TBCC: variants seen among roughly 807,000 people sequenced by gnomAD.
TBCC encodes tubulin folding cofactor C.
In TBCC, 25 loss-of-function variants were observed where a neutral mutation model predicts 25.3. The observed-to-expected ratio is 0.99, with a 90% CI of 0.72 to 1.38. The LOEUF is 1.38. TBCC is among the 40% of genes most tolerant of loss of function. The pLI is 0.00. For missense variants in TBCC, 507 were observed against 447.2 expected (o/e 1.13, Z -1.21); for synonymous variants, 226 against 192.8 (o/e 1.17, Z -1.43).
At position 42,745,757 on chromosome 6, in the gene TBCC, G is replaced by C; in HGVS notation, c.317C>G (p.Ala106Gly). The stretch of plus-strand genomic sequence containing the variant: ...TTGTCCCTGCCGCAGGTCGTAAGCG[G>C]CTAGGAAAAAAACTGAGTCGTTGAT... ...KLINDSVFFL[A>G]AYDLRQGQEA... is the part of the protein sequence containing the mutation. Residue 106 changes from alanine (A) to glycine (G), a missense_variant, in exon 1 of 1, where the codon GCC (alanine) becomes GGC (glycine). Physicochemically the swap from Ala to Gly is moderately conservative, Grantham distance 60. Transcript: ENST00000372876. This position sits in a 1 kb window ranked among gnomAD's most constrained non-coding sequence, Gnocchi z 4.2. 6.2e-7 allele frequency: 1 copy of C among 1,613,944 alleles called. No individual in the cohort carries two copies. The highest frequency in any genetic ancestry group is 8.5e-7 in the Non-Finnish European group (1 of 1,180,020).
chr6:42,745,851 G>A lies in TBCC; in HGVS notation c.223C>T (p.Leu75=), dbSNP rs1173100777. The A allele has an allele frequency of 8.7e-6, 14 of 1,613,484 alleles. No individual in the cohort carries two copies. Among genetic ancestry groups the A allele is most frequent in the Middle Eastern group, 1.6e-4 (1 of 6,084 alleles). ...CGCTCGACCGACTCCGCGCGCTCCA[G>A]AAGCTCTTCCACGGCCGCTCGCTCC... ...VRERAAVEEL[L]ERAESVERLE... Residue 75 remains leucine, a synonymous_variant, in exon 1 of 1, where the codon CTG becomes TTG. Coordinates refer to ENST00000372876, the MANE Select transcript of TBCC (RefSeq NM_003192.3). The surrounding 1 kb of genome is among the most constrained non-coding windows in gnomAD (Gnocchi z 4.2).
chr6:42,745,421 A>T lies in TBCC; in HGVS notation c.653T>A (p.Leu218Gln). 1 of 1,614,230 alleles carries T rather than the reference A, an allele frequency of 6.2e-7. No individual in the cohort carries two copies. Among genetic ancestry groups the T allele is most frequent in the Non-Finnish European group, 8.5e-7 (1 of 1,180,044 alleles). The change falls in exon 1 of 1, where the codon CTG becomes CAG. Residue 218 changes from leucine (L) to glutamine (Q), a missense_variant. Transcript: ENST00000372876. The surrounding 1 kb of genome is among the most constrained non-coding windows in gnomAD (Gnocchi z 4.2). ...LTELSNCTVR[L>Q]YGNPNTLRLT... Reference sequence around the variant, plus strand: ...CCGCAGGGTGTTGGGATTTCCATACAGTCTGACCGTGCAGTTGCTCAGTTC... The same window carrying T: ...CCGCAGGGTGTTGGGATTTCCATACTGTCTGACCGTGCAGTTGCTCAGTTC...
chr6:42,745,679 T>A lies in TBCC; in HGVS notation c.395A>T (p.Gln132Leu). The change falls in exon 1 of 1, where the codon CAG becomes CTG. Residue 132 changes from glutamine (Q) to leucine (L), a missense_variant. Transcript: ENST00000372876. This position sits in a 1 kb window ranked among gnomAD's most constrained non-coding sequence, Gnocchi z 4.2. ...AALAERRRGL[Q>L]PKKRFAFKTR... The stretch of plus-strand genomic sequence containing the variant: ...CTTGAAAGCGAAACGCTTCTTGGGC[T>A]GCAGCCCCCGGCGCCGCTCGGCCAA... 1 of 1,611,768 alleles carries A rather than the reference T, an allele frequency of 6.2e-7. No individual in the cohort carries two copies. The highest frequency in any genetic ancestry group is 8.5e-7 in the Non-Finnish European group (1 of 1,179,100).
rs371167130 is a variant in TBCC, at chr6:42,745,012, G to A, written c.*21C>T. Reference sequence around the variant, plus strand: ...AACGTGGAAAGTATTTGGTAGGAGTGAAGAACAGAGTGACAACTGCTTAGT... The same window carrying A: ...AACGTGGAAAGTATTTGGTAGGAGTAAAGAACAGAGTGACAACTGCTTAGT... On this transcript the variant is annotated 3_prime_UTR_variant, in exon 1 of 1. Transcript: ENST00000372876. The surrounding 1 kb of genome is among the most constrained non-coding windows in gnomAD (Gnocchi z 4.2). 80 of 1,603,702 alleles carry A rather than the reference G, an allele frequency of 5.0e-5. No individual in the cohort carries two copies. Among genetic ancestry groups the A allele is most frequent in the Middle Eastern group, 1.7e-4 (1 of 6,042 alleles).
Position 42,745,222 on chromosome 6 carries a change from G to A in TBCC, c.852C>T (p.Cys284=), listed in dbSNP as rs1343512616. ...TGTAAGGGGCGAACTGGATCCCACT[G>A]CAGTCCTCCACGATGGCCCTGCTGG... ...QVTSRAIVED[C]SGIQFAPYTW... is the part of the protein sequence containing the mutation. Residue 284 remains cysteine (C), a synonymous_variant, in exon 1 of 1, where the codon TGC becomes TGT. Transcript: ENST00000372876. The surrounding 1 kb of genome is among the most constrained non-coding windows in gnomAD (Gnocchi z 4.2). 1 of 1,614,212 alleles carries A rather than the reference G, an allele frequency of 6.2e-7. No individual in the cohort carries two copies. The highest frequency in any genetic ancestry group is 2.2e-5 in the East Asian group (1 of 44,872).
chr6:42,745,763 A>G lies in TBCC; in HGVS notation c.311T>C (p.Phe104Ser), dbSNP rs1186544096. Residue 104 changes from phenylalanine (F) to serine (S), a missense_variant, in exon 1 of 1, where the codon TTC becomes TCC. Transcript: ENST00000372876. The surrounding 1 kb of genome is among the most constrained non-coding windows in gnomAD (Gnocchi z 4.2). ...CTGCCGCAGGTCGTAAGCGGCTAGGAAAAAAACTGAGTCGTTGATTAGTTT... is the reference window on the plus strand; with the variant it reads ...CTGCCGCAGGTCGTAAGCGGCTAGGGAAAAAACTGAGTCGTTGATTAGTTT... ...LQKLINDSVF[F>S]LAAYDLRQGQ... The G allele has an allele frequency of 9.9e-6, 16 of 1,613,896 alleles. No homozygotes were observed. Among genetic ancestry groups the G allele is most frequent in the Non-Finnish European group, 1.4e-5 (16 of 1,180,016 alleles).
Position 42,745,501 on chromosome 6 carries a change from G to A in TBCC, c.573C>T (p.Ser191=). ...CGCTGGCTCTCTTCTCCAAGACTTG[G>A]GACTCCAGGTTGGAGAAACCGCAGA... The part of the protein sequence containing the change: ...SWVCGFSNLE[S]QVLEKRASEL... The change falls in exon 1 of 1, where the codon TCC becomes TCT. Residue 191 remains serine, a synonymous_variant. Coordinates refer to ENST00000372876, the MANE Select transcript of TBCC (RefSeq NM_003192.3). This position sits in a 1 kb window ranked among gnomAD's most constrained non-coding sequence, Gnocchi z 4.2. 6.2e-7 allele frequency: 1 copy of A among 1,611,710 alleles called. No homozygotes were observed. The highest frequency in any genetic ancestry group is 8.5e-7 in the Non-Finnish European group (1 of 1,179,060).
Position 42,745,813 on chromosome 6 carries a change from C to T in TBCC, c.261G>A (p.Ala87=). 3 of 1,613,152 alleles carry T rather than the reference C, an allele frequency of 1.9e-6. No homozygotes were observed. The highest frequency in any genetic ancestry group is 2.5e-6 in the Non-Finnish European group (3 of 1,180,046). The stretch of plus-strand genomic sequence containing the variant: ...TCTGCAGCCCCTGGAGCCGAGAGGC[C>T]GCCTCCTCCAGCCGCTCGACCGACT... ...RAESVERLEE[A]ASRLQGLQKL... is the part of the protein sequence containing the mutation. The change falls in exon 1 of 1, where the codon GCG becomes GCA. Residue 87 remains alanine, a synonymous_variant. Coordinates refer to ENST00000372876, the MANE Select transcript of TBCC (RefSeq NM_003192.3). This position sits in a 1 kb window ranked among gnomAD's most constrained non-coding sequence, Gnocchi z 4.2.
chr6:42,744,911 C>T lies in TBCC; in HGVS notation c.*122G>A, dbSNP rs1189615881. ...ATTACAAGTAGGAGCCCATTACAAT[C>T]TCTAGCCTTAAAATGCTGAAAACAT... On this transcript the variant is annotated 3_prime_UTR_variant, in exon 1 of 1. Coordinates refer to ENST00000372876, the MANE Select transcript of TBCC (RefSeq NM_003192.3). 8.7e-6 allele frequency: 8 copies of T among 922,572 alleles called. No homozygotes were observed. The African/African-American group carries it at 1.2e-4, about 14-fold the overall frequency. 57.1% of individuals were successfully genotyped at this position (922,572 alleles called of 1,614,324 possible). A position where few individuals can be genotyped will look rare whatever the true frequency, so the allele number is the denominator to read the frequency against.
Position 42,745,001 on chromosome 6 carries a change from T to C in TBCC, c.*32A>G, listed in dbSNP as rs1419584880. Reference sequence around the variant, plus strand: ...GGGGAAAGTCCAACGTGGAAAGTATTTGGTAGGAGTGAAGAACAGAGTGAC... The same window carrying C: ...GGGGAAAGTCCAACGTGGAAAGTATCTGGTAGGAGTGAAGAACAGAGTGAC... On this transcript the variant is annotated 3_prime_UTR_variant, in exon 1 of 1. Coordinates refer to ENST00000372876, the MANE Select transcript of TBCC (RefSeq NM_003192.3). This position sits in a 1 kb window ranked among gnomAD's most constrained non-coding sequence, Gnocchi z 4.2. The C allele has an allele frequency of 6.3e-7, 1 of 1,589,784 alleles. No individual in the cohort carries two copies. The highest frequency in any genetic ancestry group is 8.6e-7 in the Non-Finnish European group (1 of 1,164,366).
chr6:42,746,016 G>A lies in TBCC; in HGVS notation c.58C>T (p.Arg20Trp), dbSNP rs1762263499. The A allele has an allele frequency of 1.9e-6, 3 of 1,614,130 alleles. No individual in the cohort carries two copies. The highest frequency in any genetic ancestry group is 2.5e-6 in the Non-Finnish European group (3 of 1,180,030). ...CGCTCAGGCACCAGGCTCAGGTCCCGCTGGGACTCCATGTCTCCGGTCCTG... is the reference window on the plus strand; with the variant it reads ...CGCTCAGGCACCAGGCTCAGGTCCCACTGGGACTCCATGTCTCCGGTCCTG... The part of the protein sequence containing the change: ...AVRTGDMESQ[R>W]DLSLVPERLQ... Residue 20 changes from arginine (R) to tryptophan (W), a missense_variant, in exon 1 of 1, where the codon CGG (arginine) becomes TGG (tryptophan). Physicochemically the swap from Arg to Trp is moderately radical, Grantham distance 101. Transcript: ENST00000372876.
chr6:42,745,733 TG>T lies in TBCC; in HGVS notation c.340del (p.Gln114LysfsTer39). 6.2e-7 allele frequency: 1 copy of T among 1,613,822 alleles called. No individual in the cohort carries two copies. The highest frequency in any genetic ancestry group is 8.5e-7 in the Non-Finnish European group (1 of 1,179,938). ...CGCCTGCAGCCGCGCCAGCGCCTCT[TG>T]TCCCTGCCGCAGGTCGTAAGCGGCT... The part of the protein sequence containing the change: ...FLAAYDLRQG[Q>X]EALARLQAAL... On this transcript the variant is annotated frameshift_variant, in exon 1 of 1. Coordinates refer to ENST00000372876, the MANE Select transcript of TBCC (RefSeq NM_003192.3). LOFTEE classifies it high-confidence loss of function. This position sits in a 1 kb window ranked among gnomAD's most constrained non-coding sequence, Gnocchi z 4.2.
rs1282503555 is a variant in TBCC at position 42,745,581 on chromosome 6, T to G, written c.493A>C (p.Ile165Leu). ...TTCTTGGGCAGCGGGGAGTCCTGTA[T>G]GCTTTCAACTGCCGGGGGGATGCCA... ...APGIPPAVES[I>L]QDSPLPKKAE... The change falls in exon 1 of 1, where the codon ATA (isoleucine) becomes CTA (leucine). Residue 165 changes from isoleucine (I) to leucine (L), a missense_variant. By Grantham distance (5) the Ile-to-Leu change is conservative. Transcript: ENST00000372876. The surrounding 1 kb of genome is among the most constrained non-coding windows in gnomAD (Gnocchi z 4.2). The G allele has an allele frequency of 6.2e-7, 1 of 1,612,096 alleles. No homozygotes were observed. Among genetic ancestry groups the G allele is most frequent in the Non-Finnish European group, 8.5e-7 (1 of 1,178,858 alleles).
rs774087155 is a variant in TBCC, at chr6:42,746,006, C to T, written c.68G>A (p.Ser23Asn). The change falls in exon 1 of 1, where the codon AGC becomes AAC. Residue 23 changes from serine to asparagine, a missense_variant. By Grantham distance (46) the Ser-to-Asn change is conservative. Coordinates refer to ENST00000372876, the MANE Select transcript of TBCC (RefSeq NM_003192.3). ...TCTCTGAAGCCGCTCAGGCACCAGG[C>T]TCAGGTCCCGCTGGGACTCCATGTC... ...TGDMESQRDL[S>N]LVPERLQRRE... 1.1e-5 allele frequency: 18 copies of T among 1,614,072 alleles called. No homozygotes were observed. The highest frequency in any genetic ancestry group is 2.2e-5 in the East Asian group (1 of 44,890).
Position 42,745,160 on chromosome 6 carries a change from C to G in TBCC, c.914G>C (p.Ser305Thr). 6.2e-7 allele frequency: 1 copy of G among 1,614,210 alleles called. No homozygotes were observed. The highest frequency in any genetic ancestry group is 8.5e-7 in the Non-Finnish European group (1 of 1,180,046). ...ATTTTTGCTCCTATCTAAACCAGAG[C>G]TCTCGAAGTCCTTGTCGATCTCCGG... ...SYPEIDKDFE[S>T]SGLDRSKNNW... The change falls in exon 1 of 1, where the codon AGC (serine) becomes ACC (threonine). Residue 305 changes from serine (S) to threonine (T), a missense_variant. By Grantham distance (58) the Ser-to-Thr change is moderately conservative (BLOSUM62 1). Transcript: ENST00000372876. The surrounding 1 kb of genome is among the most constrained non-coding windows in gnomAD (Gnocchi z 4.2).
Position 42,745,474 on chromosome 6 carries a change from C to A in TBCC, c.600G>T (p.Glu200Asp). 1 of 1,613,052 alleles carries A rather than the reference C, an allele frequency of 6.2e-7. No homozygotes were observed. Among genetic ancestry groups the A allele is most frequent in the Non-Finnish European group, 8.5e-7 (1 of 1,179,556 alleles). Residue 200 changes from glutamate to aspartate, a missense_variant, in exon 1 of 1, where the codon GAG becomes GAT. By Grantham distance (45) the Glu-to-Asp change is conservative. Coordinates refer to ENST00000372876, the MANE Select transcript of TBCC (RefSeq NM_003192.3). The surrounding 1 kb of genome is among the most constrained non-coding windows in gnomAD (Gnocchi z 4.2). ...ESQVLEKRAS[E>D]LHQRDVLLTE... ...TCAAAAGAACGTCGCGCTGGTGCAA[C>A]TCGCTGGCTCTCTTCTCCAAGACTT...
rs770363307 is a variant in TBCC, at chr6:42,746,066, G to C, written c.8C>G (p.Ser3Cys). Residue 3 changes from serine (S) to cysteine (C), a missense_variant, in exon 1 of 1, where the codon TCC becomes TGC. By Grantham distance (112) the Ser-to-Cys change is moderately radical (BLOSUM62 -1). Transcript: ENST00000372876. ME[S>C]VSCSAAAVRT... is the part of the protein sequence containing the mutation. ...GACAGCAGCAGCGGAGCAACTGACGGACTCCATATTGGCTTCAAGCTTCCT... is the reference window on the plus strand; with the variant it reads ...GACAGCAGCAGCGGAGCAACTGACGCACTCCATATTGGCTTCAAGCTTCCT... 6 of 1,612,792 alleles carry C rather than the reference G, an allele frequency of 3.7e-6. No individual in the cohort carries two copies. In the East Asian group the frequency reaches 6.7e-5, roughly 18 times the overall value.
In TBCC at chr6:42,746,067, A is replaced by T. The variant is rs775730651; in HGVS notation, c.7T>A (p.Ser3Thr). Residue 3 changes from serine to threonine, a missense_variant, in exon 1 of 1, where the codon TCC (serine) becomes ACC (threonine). Coordinates refer to ENST00000372876, the MANE Select transcript of TBCC (RefSeq NM_003192.3). ...ACAGCAGCAGCGGAGCAACTGACGGACTCCATATTGGCTTCAAGCTTCCTC... is the reference window on the plus strand; with the variant it reads ...ACAGCAGCAGCGGAGCAACTGACGGTCTCCATATTGGCTTCAAGCTTCCTC... Reference protein sequence around the residue: MESVSCSAAAVRT... With the variant: METVSCSAAAVRT... The T allele has an allele frequency of 1.9e-6, 3 of 1,612,302 alleles. No individual in the cohort carries two copies.
Position 42,745,495 on chromosome 6 carries a change from G to A in TBCC, c.579C>T (p.Val193=). 1.9e-6 allele frequency: 3 copies of A among 1,612,060 alleles called. No homozygotes were observed. The highest frequency in any genetic ancestry group is 2.2e-5 in the South Asian group (2 of 90,736). ...GCAACTCGCTGGCTCTCTTCTCCAA[G>A]ACTTGGGACTCCAGGTTGGAGAAAC... ...VCGFSNLESQ[V]LEKRASELHQ... is the part of the protein sequence containing the mutation. Residue 193 remains valine (V), a synonymous_variant, in exon 1 of 1, where the codon GTC becomes GTT. Transcript: ENST00000372876. The surrounding 1 kb of genome is among the most constrained non-coding windows in gnomAD (Gnocchi z 4.2).
Sources: gnomAD v4.1 joint callset for allele counts on GRCh38, gnomAD v4.1.1 for gene constraint, Gnocchi (gnomAD v3.1) non-coding constraint, MANE v1.5 for transcripts, NCBI Gene and HGNC (gene_info 2026-07-23, HGNC 2026-07-21) for gene names.